Variants in KANK1 observed in about 807,000 individuals in gnomAD.
KANK1 encodes KN motif and ankyrin repeat domain-containing protein 1.
Under a neutral mutation model 106.2 loss-of-function variants are expected in KANK1, and 109 were observed. That is an observed-to-expected ratio of 1.03 (90% CI 0.88 to 1.20). The LOEUF (loss-of-function observed/expected upper bound fraction) is 1.20, where lower values mean the gene tolerates loss of function less well. Among genes scored for constraint, KANK1 ranks in the 50% most tolerant of loss-of-function variants. The pLI, the probability that KANK1 is intolerant of heterozygous loss-of-function variation, is 0.00. For missense variants in KANK1, 2,399 were observed against 1,710.7 expected, an observed-to-expected ratio of 1.40 and a Z score of -7.10; for synonymous variants, 873 against 652.2, an observed-to-expected ratio of 1.34 and a Z score of -5.16.
intron 3 of KANK1, among the ~76,000 whole-genome samples, chr9:718,661 A>G (rs1040717250): frequency 2.0e-5 from 3 of 152,082 alleles, no homozygotes; most frequent in African/African-American, 7.2e-5. Flanking sequence ...CTCCTGTGTC[A>G]AATAAATAGG....
intron 3 of KANK1, among the ~76,000 whole-genome samples, chr9:715,949 G>C (rs1393233245): frequency 6.6e-6 from 1 of 152,118 alleles, no homozygotes; most frequent in South Asian, 2.1e-4. Context: ...GGTGGCCCAG[G>C]GTGCACTGTG....
intron 1 of KANK1, among the ~76,000 whole-genome samples, chr9:675,345 A>G (rs979285920): frequency 4.6e-5 from 7 of 152,170 alleles, no homozygotes; most frequent in African/African-American, 1.2e-4. Flanking sequence ...TTAATTCTCA[A>G]CTTAGAATTT....
chr9:638,892 A>G (rs971912296), intron 1 of KANK1, among the ~76,000 whole-genome samples: 6 of 152,214 alleles, frequency 3.9e-5, no homozygotes, highest in Non-Finnish European at 7.3e-5. Context: ...AGCAATGTCG[A>G]CAACTTAGGA....
At chr9:657,007 G>A (rs1842288546) in intron 1 of KANK1, among the ~76,000 whole-genome samples, 1 of 151,956 alleles carries the variant, frequency 6.6e-6, no homozygotes, top group South Asian at 2.1e-4. Flanking sequence ...CATTTCACAT[G>A]ACTAAAATGC....
chr9:514,206 CT>C, intron 1 of KANK1, among the ~76,000 whole-genome samples: 2 of 65,268 alleles, frequency 3.1e-5, no homozygotes, highest in African/African-American at 1.6e-4. Flanking sequence ...CTCCCTCCCT[CT>C]CTCCCTCCCT....
chr9:662,036 G>A (rs1022530182), intron 1 of KANK1, among the ~76,000 whole-genome samples: 1 of 152,136 alleles, frequency 6.6e-6, no homozygotes, highest in Admixed American at 6.5e-5. Flanking sequence ...CCCTTTGTCA[G>A]ATGGGTAGAA....
intron 6 of KANK1, chr9:734,108 C>CAAAAAAAAAAA (rs34096121): frequency 1.7e-5 from 1 of 60,408 alleles, no homozygotes; most frequent in African/African-American, 8.0e-5. Context: ...GACCTTGTCT[C>CAAAAAAAAAAA]AAAAAAAAAA....
intron 1 of KANK1, among the ~76,000 whole-genome samples, chr9:661,664 G>C (rs73370814): frequency 2.0e-5 from 3 of 151,878 alleles, no homozygotes; most frequent in Non-Finnish European, 4.4e-5. Context: ...TGGGTCAAGT[G>C]GTATTTCTAA....
chr9:583,595 C>A (rs1467428539), intron 1 of KANK1, among the ~76,000 whole-genome samples: 2 of 151,702 alleles, frequency 1.3e-5, no homozygotes, highest in Non-Finnish European at 2.9e-5. Context: ...CTCTAATATG[C>A]TTCAGTTGAT....
intron 1 of KANK1, among the ~76,000 whole-genome samples, chr9:624,977 T>C (rs1266779334): frequency 6.6e-6 from 1 of 152,164 alleles, no homozygotes; most frequent in Non-Finnish European, 1.5e-5. Flanking sequence ...CTATTTAACT[T>C]TTTTGTTCCT....
At chr9:639,999 GTTGGGTTTCAAAATGTAAATC>G (rs1241216083) in intron 1 of KANK1, among the ~76,000 whole-genome samples, 8 of 152,258 alleles carry the variant, frequency 5.3e-5, no homozygotes, top group Middle Eastern at 3.4e-3. Flanking sequence ...CCCGTTGAAG[GTTGGGTTTCAAAATGTAAATC>G]TTGGGAGACA....
At chr9:537,256 T>C (rs1453019493) in intron 1 of KANK1, among the ~76,000 whole-genome samples, 1 of 152,174 alleles carries the variant, frequency 6.6e-6, no homozygotes, top group Non-Finnish European at 1.5e-5. Flanking sequence ...CTGTGACATT[T>C]GGTATGTTAC....
At chr9:552,947 C>A (rs934522333) in intron 1 of KANK1, among the ~76,000 whole-genome samples, 2 of 152,138 alleles carry the variant, frequency 1.3e-5, no homozygotes, top group African/African-American at 2.4e-5. Flanking sequence ...GAGTTTGAGA[C>A]CAGCCTGGGC....
chr9:518,676 T>C lies in KANK1; in HGVS notation c.-84+13922T>C, dbSNP rs140169259. ...CCTAGGATGTAGTATTTCCTGACTA[T>C]AAAACTCCCTAGGAAAAGTCCTCAA... On this transcript the variant is annotated intron_variant, in intron 1 of 11. Coordinates refer to ENST00000382297, the MANE Select transcript of KANK1 (RefSeq NM_015158.5). Among the ~76,000 whole-genome samples, 21 of 151,610 alleles carry C rather than the reference T, an allele frequency of 1.4e-4. No homozygotes were observed. In the East Asian group the frequency reaches 4.1e-3, roughly 29 times the overall value.
At chr9:542,201 T>G (rs1380250160) in intron 1 of KANK1, among the ~76,000 whole-genome samples, 1 of 151,546 alleles carries the variant, frequency 6.6e-6, no homozygotes, top group Non-Finnish European at 1.5e-5. Context: ...AAATGCAAAT[T>G]AAAACCACAG....
chr9:693,646 A>C, intron 2 of KANK1: 13 of 985,398 alleles, frequency 1.3e-5, no homozygotes, highest in Non-Finnish European at 1.6e-5. Context: ...GGAAATTCCA[A>C]ATGGGTATAA....
intron 1 of KANK1, among the ~76,000 whole-genome samples, chr9:592,349 G>A (rs1333951478): frequency 6.6e-6 from 1 of 151,762 alleles, no homozygotes; most frequent in Non-Finnish European, 1.5e-5. Context: ...CCGGGGGAGG[G>A]GGAACCATGT....
chr9:699,208 C>T (rs925667183), intron 2 of KANK1, among the ~76,000 whole-genome samples: 2 of 152,198 alleles, frequency 1.3e-5, no homozygotes, highest in Non-Finnish European at 2.9e-5. Flanking sequence ...CTGCATTGTG[C>T]TTTCACAACA....
At chr9:660,081 A>G in intron 1 of KANK1, 1 of 428,126 alleles carries the variant, frequency 2.3e-6, no homozygotes, top group Non-Finnish European at 4.6e-6. Context: ...ATATCCATAT[A>G]AGAATTCATC....
Sources: gnomAD v4.1 joint callset for allele counts (sites outside exome capture counted in the v4.1 genomes callset) on GRCh38, gnomAD v4.1.1 for gene constraint, MANE v1.5 for transcripts, NCBI Gene and HGNC (gene_info 2026-07-23, HGNC 2026-07-21) for gene names.